The following SENP7 variants were observed in gnomAD, a reference collection of about 807,000 sequenced individuals.
The protein encoded by SENP7 is SUMO specific peptidase 7, also known as sentrin-specific protease 7.
SENP7 carries 64 observed loss-of-function variants against 141.2 expected under a neutral mutation model. The ratio of observed to expected loss-of-function variants is 0.45; its 90% confidence interval spans 0.37 to 0.56. The LOEUF (loss-of-function observed/expected upper bound fraction) is 0.56, where lower values mean the gene tolerates loss of function less well. Among genes scored for constraint, SENP7 ranks in the 20% least tolerant of loss-of-function variants. The pLI is 0.00. For missense variants in SENP7, 1,025 were observed against 1,212.2 expected, an observed-to-expected ratio of 0.85 and a Z score of 2.29; for synonymous variants, 382 against 426.4, an observed-to-expected ratio of 0.90 and a Z score of 1.28.
intron 23 of SENP7, among the ~76,000 whole-genome samples, chr3:101,327,379 T>G (rs187294642): frequency 9.9e-5 from 15 of 152,112 alleles, no homozygotes; most frequent in Admixed American, 4.6e-4. Flanking sequence ...TCTCATGAGA[T>G]CTGATGGTTT....
chr3:101,513,050 T>G (rs9682312), intron 1 of SENP7, 41 bp downstream of exon 1: 296,393 of 1,601,900 alleles, frequency 0.19, 31,758 homozygotes, highest in Admixed American at 0.45. Flanking sequence ...TTCCCCCGGG[T>G]AGGAGACAAT....
chr3:101,434,068 A>G (rs112493597), intron 4 of SENP7, among the ~76,000 whole-genome samples: 365 of 152,284 alleles, frequency 2.4e-3, no homozygotes, highest in African/African-American at 7.4e-3. Context: ...CAAAAAACTG[A>G]AATAATATGA....
At chr3:101,419,468 ATGATGACTTTATCAGAGGTAGT>A (rs1432946550) in intron 4 of SENP7, among the ~76,000 whole-genome samples, 1 of 152,192 alleles carries the variant, frequency 6.6e-6, no homozygotes, top group Admixed American at 6.5e-5. Context: ...ATTTACGGAG[ATGATGACTTTATCAGAGGTAGT>A]TTAGAAGAAT....
chr3:101,376,724 T>C (rs2060345531), intron 6 of SENP7, among the ~76,000 whole-genome samples: 1 of 152,074 alleles, frequency 6.6e-6, no homozygotes, highest in East Asian at 1.9e-4. Flanking sequence ...ACATGGCACA[T>C]GTATACATAT....
chr3:101,424,622 C>T (rs1395383682), intron 4 of SENP7, among the ~76,000 whole-genome samples: 1 of 152,102 alleles, frequency 6.6e-6, no homozygotes, highest in African/African-American at 2.4e-5. Flanking sequence ...AGAGAAAGCA[C>T]AAAGACCTGT....
At position 101,468,421 on chromosome 3, in the gene SENP7, C is replaced by T. The variant is rs370524412; in HGVS notation, c.187-9369G>A. 7.2e-5 allele frequency among the ~76,000 whole-genome samples: 11 copies of T among 152,134 alleles called. No homozygotes were observed. In the East Asian group the frequency reaches 1.5e-3, roughly 21 times the overall value. On this transcript the variant is annotated intron_variant, in intron 3 of 23. Transcript: ENST00000394095. ...CGCATAATTGTCAGATTCACCAAGG[C>T]TGAAATGAAGGGAAAAGTGTTAAGG...
intron 5 of SENP7, 32 bp downstream of exon 5, chr3:101,417,561 A>G (rs2061660976): frequency 6.6e-7 from 1 of 1,523,758 alleles, no homozygotes; most frequent in South Asian, 1.1e-5. Context: ...CAAATGTGGT[A>G]AGTTGAACAA....
intron 4 of SENP7, among the ~76,000 whole-genome samples, chr3:101,422,153 G>A (rs1035144667): frequency 6.6e-5 from 10 of 152,068 alleles, no homozygotes; most frequent in African/African-American, 9.7e-5. Flanking sequence ...CTTCACATGC[G>A]AGGGATCTAA....
At chr3:101,412,423 T>A (rs1011222378) in intron 5 of SENP7, among the ~76,000 whole-genome samples, 2 of 152,122 alleles carry the variant, frequency 1.3e-5, no homozygotes, top group South Asian at 2.1e-4. Context: ...TGTTCTTTTA[T>A]TAAGCTAAAT....
intron 1 of SENP7, among the ~76,000 whole-genome samples, chr3:101,505,458 T>C (rs1264033098): frequency 6.6e-6 from 1 of 152,260 alleles, no homozygotes; most frequent in Non-Finnish European, 1.5e-5. Flanking sequence ...TCCTGTTTTG[T>C]AGTATGTTCC....
chr3:101,343,779 T>A lies in SENP7; in HGVS notation c.2013A>T (p.Glu671Asp). 1 of 1,613,886 alleles carries A rather than the reference T, an allele frequency of 6.2e-7. No homozygotes were observed. Among genetic ancestry groups the A allele is most frequent in the Non-Finnish European group, 8.5e-7 (1 of 1,179,886 alleles). ...FPLFQNLSSKESSFIHYYCVS... is the reference protein window; with the variant it reads ...FPLFQNLSSKDSSFIHYYCVS... ...CACAGTAATAATGAATAAAAGAACT[T>A]TCTTTTGAAGAGAGGTTCTGAAACA... The change falls in exon 14 of 24, where the codon GAA (glutamate) becomes GAT (aspartate). Residue 671 changes from glutamate (E) to aspartate (D), a missense_variant. Physicochemically the swap from Glu to Asp is conservative, Grantham distance 45 (BLOSUM62 2). Transcript: ENST00000394095.
At chr3:101,368,038 T>G in intron 7 of SENP7, 27 bp from the exon 8 acceptor site, 2 of 1,556,748 alleles carry the variant, frequency 1.3e-6, no homozygotes, top group Non-Finnish European at 1.7e-6. Flanking sequence ...AGCATAAATA[T>G]GGACAAAAAA....
At chr3:101,502,201 C>G (rs1285146199) in intron 1 of SENP7, among the ~76,000 whole-genome samples, 1 of 152,232 alleles carries the variant, frequency 6.6e-6, no homozygotes, top group Non-Finnish European at 1.5e-5. Flanking sequence ...TCACACGCAT[C>G]TGTGAGATAT....
intron 3 of SENP7, among the ~76,000 whole-genome samples, chr3:101,477,917 C>A (rs2064288290): frequency 6.7e-6 from 1 of 149,682 alleles, no homozygotes; most frequent in Non-Finnish European, 1.5e-5. Flanking sequence ...AACAGAAAGA[C>A]TAAAAATATA....
At chr3:101,415,957 T>C (rs1479691100) in intron 5 of SENP7, among the ~76,000 whole-genome samples, 1 of 150,018 alleles carries the variant, frequency 6.7e-6, no homozygotes, top group African/African-American at 2.4e-5. Context: ...AAAATATATA[T>C]ATGTATATAT....
chr3:101,338,414 T>C (rs1255142523), intron 16 of SENP7, among the ~76,000 whole-genome samples: 2 of 152,338 alleles, frequency 1.3e-5, no homozygotes, highest in East Asian at 3.9e-4. Context: ...TCTTAGTCCA[T>C]TTCTGTACTA....
At chr3:101,437,433 C>T (rs756989355) in intron 4 of SENP7, among the ~76,000 whole-genome samples, 5 of 152,266 alleles carry the variant, frequency 3.3e-5, no homozygotes, top group South Asian at 2.1e-4. Flanking sequence ...TTCTCCATGA[C>T]GTGCTTATTT....
chr3:101,375,912 T>G (rs796632458), intron 6 of SENP7, among the ~76,000 whole-genome samples: 1 of 152,006 alleles, frequency 6.6e-6, no homozygotes, highest in African/African-American at 2.4e-5. Flanking sequence ...GTAACTAAAA[T>G]AGACAAATTC....
At position 101,400,528 on chromosome 3, in the gene SENP7, T is replaced by G. The variant is rs529988274; in HGVS notation, c.483-1473A>C. On this transcript the variant is annotated intron_variant, in intron 5 of 23. Coordinates refer to ENST00000394095, the MANE Select transcript of SENP7 (RefSeq NM_020654.5). Reference sequence around the variant, plus strand: ...TTCATTATTATTATATCTAGTATGATGATCTGTAATCAGTGATATTTGATG... The same window carrying G: ...TTCATTATTATTATATCTAGTATGAGGATCTGTAATCAGTGATATTTGATG... Among the ~76,000 whole-genome samples, 7 of 150,390 alleles carry G rather than the reference T, an allele frequency of 4.7e-5. No homozygotes were observed. The South Asian group carries it at 1.5e-3, about 32-fold the overall frequency.
Sources: allele counts gnomAD v4.1 joint callset (sites outside exome capture counted in the v4.1 genomes callset), GRCh38; gene constraint gnomAD v4.1.1; transcripts MANE v1.5; gene names NCBI Gene and HGNC (gene_info 2026-07-23, HGNC 2026-07-21).